PCDH10: variants seen among roughly 807,000 people sequenced by gnomAD.
The protein encoded by PCDH10 is protocadherin-10.
PCDH10 carries 15 observed loss-of-function variants against 74.4 expected under a neutral mutation model. That is an observed-to-expected ratio of 0.20 (90% CI 0.13 to 0.31). The LOEUF is 0.31. Ranked by LOEUF, PCDH10 falls within the 10% of genes least tolerant of loss-of-function variation. The pLI is 1.00. For synonymous variants in PCDH10, 619 were observed against 589.8 expected (o/e 1.05, Z -0.72); for missense variants, 1,260 against 1,390.2 (o/e 0.91, Z 1.49).
chr4:133,185,434 C>A (rs1313669361), intron 4 of PCDH10, among the ~76,000 whole-genome samples: 6 of 151,852 alleles, frequency 4.0e-5, no homozygotes, highest in Non-Finnish European at 7.4e-5. Context: ...AACCGTTAAA[C>A]ATGGCTCAAG....
At chr4:133,203,388 T>A in intron 2 of PCDH10, among the ~76,000 whole-genome samples, 1 of 152,114 alleles carries the variant, frequency 6.6e-6, no homozygotes, top group East Asian at 1.9e-4. Flanking sequence ...CTCAAATAAT[T>A]ATCATAAAGG....
chr4:133,184,790 ATATATT>A (rs1727506374), intron 4 of PCDH10, among the ~76,000 whole-genome samples: 3 of 138,978 alleles, frequency 2.2e-5, no homozygotes, highest in Non-Finnish European at 4.6e-5. Context: ...ATATAAATAT[ATATATT>A]TATATATATA....
intron 4 of PCDH10, among the ~76,000 whole-genome samples, chr4:133,177,950 C>G (rs1578571222): frequency 6.6e-6 from 1 of 152,092 alleles, no homozygotes; most frequent in East Asian, 1.9e-4. Context: ...ACTATTTAAG[C>G]ACTATCTGTG....
chr4:133,162,905 T>C, intron 3 of PCDH10, 72 bp from the exon 4 acceptor site: 1 of 1,310,302 alleles, frequency 7.6e-7, no homozygotes, highest in Non-Finnish European at 1.1e-6. Context: ...ATGCTACCTG[T>C]AATCTTACAC....
At chr4:133,165,826 T>G (rs2125864517) in intron 4 of PCDH10, among the ~76,000 whole-genome samples, 1 of 151,844 alleles carries the variant, frequency 6.6e-6, no homozygotes, top group Admixed American at 6.6e-5. Context: ...TACAAATAAC[T>G]TTTGATTTCT....
At position 133,163,059 on chromosome 4, in the gene PCDH10, T is replaced by C. The variant is rs1434057098; in HGVS notation, c.2880T>C (p.Pro960=). ...SDRCWMPSFV[P]SDGRQAADYR... is the part of the protein sequence containing the mutation. ...GGTGCTGGATGCCTTCTTTTGTCCC[T>C]TCTGATGGACGCCAGGCTGCTGATT... is the stretch of plus-strand genomic sequence containing the variant. The change falls in exon 4 of 5, where the codon CCT becomes CCC. Residue 960 remains proline, a synonymous_variant. Coordinates refer to ENST00000264360, the MANE Select transcript of PCDH10 (RefSeq NM_032961.3). 1 of 1,614,178 alleles carries C rather than the reference T, an allele frequency of 6.2e-7. No homozygotes were observed.
rs150873845 is a variant in PCDH10 at position 133,207,130 on chromosome 4, A to G, written n.438-946A>G. Among the ~76,000 whole-genome samples, 98 of 152,216 alleles carry G rather than the reference A, an allele frequency of 6.4e-4. 2 individuals are homozygous for G. The highest frequency in any genetic ancestry group is 5.3e-3 in the Admixed American group (81 of 15,278). On this transcript the variant is annotated intron_variant and non_coding_transcript_variant, in intron 2 of 2. Coordinates refer to the PCDH10 transcript ENST00000511112. ...TATCTAAAGTAATTTTAAATCAATA[A>G]TGTTAAAACCAAAGGGGTAATATGC...
chr4:133,150,762 G>A lies in PCDH10; in HGVS notation c.622G>A (p.Gly208Ser), dbSNP rs762863458. The A allele has an allele frequency of 1.3e-6, 2 of 1,599,698 alleles. No homozygotes were observed. The highest frequency in any genetic ancestry group is 1.1e-5 in the South Asian group (1 of 89,618). The change falls in exon 1 of 5, where the codon GGT becomes AGT. Residue 208 changes from glycine (G) to serine (S), a missense_variant. Transcript: ENST00000264360. ...RYVLTAVDGG[G>S]GGGVGEGGGG... ...CGTGCTGACCGCGGTGGACGGAGGA[G>A]GTGGGGGAGGAGTAGGAGAAGGAGG...
At chr4:133,187,819 A>G (rs1204180703) in intron 4 of PCDH10, among the ~76,000 whole-genome samples, 1 of 152,134 alleles carries the variant, frequency 6.6e-6, no homozygotes, top group Admixed American at 6.6e-5. Flanking sequence ...TTAAAAAGAA[A>G]CAATTTCTGT....
At chr4:133,152,955 G>T in intron 1 of PCDH10, 184 bp downstream of exon 1, 1 of 1,451,534 alleles carries the variant, frequency 6.9e-7, no homozygotes, top group Non-Finnish European at 9.1e-7. Context: ...TAACTTTCGC[G>T]TTGTTCCACC....
In PCDH10 at chr4:133,193,994, G is replaced by A. The variant is rs1440032070; in HGVS notation, c.*3834G>A. 6.6e-6 allele frequency: 1 copy of A among 151,656 alleles called. No individual in the cohort carries two copies. Among genetic ancestry groups the A allele is most frequent in the Non-Finnish European group, 1.5e-5 (1 of 67,708 alleles). 9.4% of individuals were successfully genotyped at this position (151,656 alleles called of 1,614,324 possible). A position where few individuals can be genotyped will look rare whatever the true frequency, so the allele number is the denominator to read the frequency against. On this transcript the variant is annotated 3_prime_UTR_variant, in exon 5 of 5. Transcript: ENST00000264360. Reference sequence around the variant, plus strand: ...CAACAAACATCCCTCTGCTAAGTCAGACAAAATCCTTATACAGTAATTTGT... The same window carrying A: ...CAACAAACATCCCTCTGCTAAGTCAAACAAAATCCTTATACAGTAATTTGT...
At chr4:133,196,792 G>A (rs188610143), downstream of PCDH10, among the ~76,000 whole-genome samples, 3 of 152,272 alleles carry the variant, frequency 2.0e-5, no homozygotes, top group Admixed American at 6.5e-5. Context: ...TGGCTAGTTC[G>A]GATCTCTTTA....
intron 4 of PCDH10, among the ~76,000 whole-genome samples, chr4:133,172,881 C>T (rs1365153657): frequency 6.6e-6 from 1 of 151,920 alleles, no homozygotes; most frequent in African/African-American, 2.4e-5. Context: ...ATGCTTTCTT[C>T]ATCATTTTGG....
At chr4:133,166,751 C>T (rs773021841) in intron 4 of PCDH10, among the ~76,000 whole-genome samples, 9 of 151,248 alleles carry the variant, frequency 6.0e-5, no homozygotes, top group African/African-American at 7.3e-5. Context: ...GTAATAAAGG[C>T]GTAAGTATGT....
At position 133,181,375 on chromosome 4, in the gene PCDH10, A is replaced by G. The variant is rs139232705; in HGVS notation, c.3104-8766A>G. Among the ~76,000 whole-genome samples the G allele has an allele frequency of 3.0e-4, 45 of 152,126 alleles. No individual in the cohort carries two copies. In the East Asian group the frequency reaches 7.9e-3, roughly 27 times the overall value. On this transcript the variant is annotated intron_variant, in intron 4 of 4. Coordinates refer to ENST00000264360, the MANE Select transcript of PCDH10 (RefSeq NM_032961.3). ...ATAACTTATTATACAAACTCGTCCT[A>G]TACTATAATTTAAAAACACAATGCA...
At chr4:133,180,225 G>A (rs778755487) in intron 4 of PCDH10, among the ~76,000 whole-genome samples, 5 of 151,872 alleles carry the variant, frequency 3.3e-5, no homozygotes, top group Non-Finnish European at 4.4e-5. Context: ...AAACGTATAC[G>A]TAAACACTAA....
At position 133,152,009 on chromosome 4, in the gene PCDH10, C is replaced by A; in HGVS notation, c.1869C>A (p.Gly623=). The A allele has an allele frequency of 6.2e-7, 1 of 1,612,746 alleles. No individual in the cohort carries two copies. Among genetic ancestry groups the A allele is most frequent in the South Asian group, 1.1e-5 (1 of 91,068 alleles). The part of the protein sequence containing the change: ...NARLTYSIVR[G]NEMNLFRMDW... ...GGCTCACTTACAGCATCGTGCGTGG[C>A]AACGAAATGAACCTCTTTCGCATGG... The change falls in exon 1 of 5, where the codon GGC becomes GGA. Residue 623 remains glycine (G), a synonymous_variant. Transcript: ENST00000264360.
chr4:133,182,148 A>G (rs79506374), intron 4 of PCDH10, among the ~76,000 whole-genome samples: 2 of 152,164 alleles, frequency 1.3e-5, no homozygotes, highest in African/African-American at 4.8e-5. Flanking sequence ...TTGTGATACA[A>G]TAGGTGCAAA....
At chr4:133,174,765 A>G (rs1029090751) in intron 4 of PCDH10, among the ~76,000 whole-genome samples, 2 of 151,682 alleles carry the variant, frequency 1.3e-5, no homozygotes, top group Non-Finnish European at 3.0e-5. Context: ...GAGGAAATCT[A>G]TACTTTTAAG....
Sources: allele counts gnomAD v4.1 joint callset (sites outside exome capture counted in the v4.1 genomes callset), GRCh38; gene constraint gnomAD v4.1.1; transcripts MANE v1.5; gene names NCBI Gene and HGNC (gene_info 2026-07-23, HGNC 2026-07-21).